Variants in PNPLA8 observed in about 807,000 individuals in gnomAD.
PNPLA8 encodes calcium-independent phospholipase A2-gamma.
In PNPLA8, 39 loss-of-function variants were observed where a neutral mutation model predicts 76.9. The ratio of observed to expected loss-of-function variants is 0.51; its 90% CI spans 0.39 to 0.66. PNPLA8 has a LOEUF of 0.66. Among genes scored for constraint, PNPLA8 ranks in the 30% least tolerant of loss-of-function variants. The pLI is 0.00. For missense variants in PNPLA8, 887 were observed against 918.0 expected (o/e 0.97, Z 0.44); for synonymous variants, 301 against 307.9 (o/e 0.98, Z 0.24).
chr7:108,472,411 G>C lies in PNPLA8; in HGVS notation c.2339C>G (p.Ser780Ter). 6.4e-7 allele frequency: 1 copy of C among 1,565,716 alleles called. No homozygotes were observed. Among genetic ancestry groups the C allele is most frequent in the Non-Finnish European group, 8.7e-7 (1 of 1,153,494 alleles). ...ATAAGCATATACTCATCACAATTTT[G>C]AAAAGAATGGAAGTCCTTCATACAT... Reference protein sequence around the residue: ...TDMYEGLPFFSKL With the variant: ...TDMYEGLPFF Residue 780 changes from serine to a stop codon, truncating the protein, a stop_gained, in exon 11 of 11, where the codon TCA becomes TGA. Transcript: ENST00000257694. LOFTEE classifies it high-confidence loss of function.
chr7:108,499,026 T>C (rs971684829), intron 5 of PNPLA8, among the ~76,000 whole-genome samples: 1 of 152,158 alleles, frequency 6.6e-6, no homozygotes, highest in African/African-American at 2.4e-5. Context: ...CAACAAATAA[T>C]GTGCATTTGA....
At chr7:108,481,048 A>T (rs1378072246) in intron 9 of PNPLA8, among the ~76,000 whole-genome samples, 1 of 152,186 alleles carries the variant, frequency 6.6e-6, no homozygotes, top group Non-Finnish European at 1.5e-5. Context: ...TGCATGTATC[A>T]ATAGTTTACT....
At chr7:108,475,907 C>T (rs1020932583) in intron 10 of PNPLA8, among the ~76,000 whole-genome samples, 32 of 152,178 alleles carry the variant, frequency 2.1e-4, no homozygotes, top group African/African-American at 6.7e-4. Context: ...AATATCTGGT[C>T]CCTAATAGTT....
chr7:108,496,715 G>A lies in PNPLA8; in HGVS notation c.1494C>T (p.Pro498=), dbSNP rs1254890504. 1.2e-6 allele frequency: 2 copies of A among 1,610,468 alleles called. No homozygotes were observed. The highest frequency in any genetic ancestry group is 4.5e-5 in the East Asian group (2 of 44,590). The change falls in exon 7 of 11, where the codon CCC becomes CCT. Residue 498 remains proline, a synonymous_variant. Coordinates refer to ENST00000257694, the MANE Select transcript of PNPLA8 (RefSeq NM_001256007.3). The part of the protein sequence containing the change: ...LAFMLGLFHM[P]LDECEELYRK... ...GATAAAGTTCCTCACATTCATCCAA[G>A]GGCATATGAAACAACCCCAACATGA...
At chr7:108,519,111 A>G (rs40883) in intron 2 of PNPLA8, among the ~76,000 whole-genome samples, 65,030 of 150,730 alleles carry the variant, frequency 0.43, 14,749 homozygotes, top group African/African-American at 0.55. Context: ...AATTTAAAAG[A>G]GAATTCATCA....
intron 5 of PNPLA8, among the ~76,000 whole-genome samples, chr7:108,498,206 T>C (rs899093260): frequency 6.6e-6 from 1 of 151,684 alleles, no homozygotes; most frequent in Non-Finnish European, 1.5e-5. Context: ...ATACCTTGGT[T>C]TCCTCTCTTA....
At chr7:108,526,007 CT>C in intron 1 of PNPLA8, 21 bp downstream of exon 1, 1 of 973,346 alleles carries the variant, frequency 1.0e-6, no homozygotes, top group African/African-American at 1.8e-5. Flanking sequence ...CGTCCCGCCC[CT>C]GTCCCCTCGC....
chr7:108,500,173 C>T (rs1490872117), intron 5 of PNPLA8, among the ~76,000 whole-genome samples: 1 of 152,154 alleles, frequency 6.6e-6, no homozygotes, highest in East Asian at 1.9e-4. Context: ...TGTTAGCTGA[C>T]TCAATGAATG....
At chr7:108,500,166 T>C (rs1267010208) in intron 5 of PNPLA8, among the ~76,000 whole-genome samples, 1 of 152,214 alleles carries the variant, frequency 6.6e-6, no homozygotes, top group Non-Finnish European at 1.5e-5. Context: ...CAATATTTGT[T>C]AGCTGACTCA....
At chr7:108,496,518 T>C in intron 7 of PNPLA8, 66 bp downstream of exon 7, 3 of 947,804 alleles carry the variant, frequency 3.2e-6, no homozygotes, top group South Asian at 3.9e-5. Flanking sequence ...TTGACATTTT[T>C]CAAATTATAA....
In PNPLA8 at chr7:108,472,343, T is replaced by C; in HGVS notation, c.*58A>G. On this transcript the variant is annotated 3_prime_UTR_variant, in exon 11 of 11. Coordinates refer to ENST00000257694, the MANE Select transcript of PNPLA8 (RefSeq NM_001256007.3). ...CATGTCGAACCCCACAATTCCTTAT[T>C]GAATGTGGTTGATCTTCTAAACAGA... 5 of 1,190,504 alleles carry C rather than the reference T, an allele frequency of 4.2e-6. No individual in the cohort carries two copies. The highest frequency in any genetic ancestry group is 4.7e-6 in the Non-Finnish European group (4 of 845,330). 73.7% of individuals were successfully genotyped at this position (1,190,504 alleles called of 1,614,324 possible).
At position 108,514,932 on chromosome 7, in the gene PNPLA8, C is replaced by T. The variant is rs780391824; in HGVS notation, c.560G>A (p.Arg187His). Residue 187 changes from arginine to histidine, a missense_variant, in exon 3 of 11, where the codon CGC becomes CAC. Transcript: ENST00000257694. ...IIDKEEDIGK[R>H]SLFHYTSSIT... ...AGAACTTGTGTAATGAAAAAGACTG[C>T]GTTTACCTATATCTTCTTCTTTGTC... 4.0e-5 allele frequency: 64 copies of T among 1,608,912 alleles called. No homozygotes were observed. Among genetic ancestry groups the T allele is most frequent in the African/African-American group, 8.1e-5 (6 of 74,488 alleles).
chr7:108,490,640 C>T (rs895305296), intron 8 of PNPLA8, among the ~76,000 whole-genome samples: 4 of 151,918 alleles, frequency 2.6e-5, no homozygotes, highest in Non-Finnish European at 5.9e-5. Flanking sequence ...AAAAATTAGC[C>T]GGGCGTGGTG....
In PNPLA8 at chr7:108,515,401, A is replaced by G. The variant is rs1863262803; in HGVS notation, c.91T>C (p.Phe31Leu). The G allele has an allele frequency of 3.1e-6, 5 of 1,612,228 alleles. No homozygotes were observed. The highest frequency in any genetic ancestry group is 3.4e-6 in the Non-Finnish European group (4 of 1,179,168). The change falls in exon 3 of 11, where the codon TTC (phenylalanine) becomes CTC (leucine). Residue 31 changes from phenylalanine to leucine, a missense_variant. By Grantham distance (22) the Phe-to-Leu change is conservative. Transcript: ENST00000257694. ...CGKQRSKQLY[F>L]LFSPKHYWRI... ...CAGTAATGCTTAGGTGAGAACAAGAAATACAGTTGCTTGCTTCTCTGCTTC... is the reference window on the plus strand; with the variant it reads ...CAGTAATGCTTAGGTGAGAACAAGAGATACAGTTGCTTGCTTCTCTGCTTC...
chr7:108,500,788 A>C (rs1426728134), intron 5 of PNPLA8, among the ~76,000 whole-genome samples: 1 of 152,088 alleles, frequency 6.6e-6, no homozygotes, highest in Non-Finnish European at 1.5e-5. Flanking sequence ...GCATGCCTAT[A>C]ATCCCAGCTA....
At chr7:108,524,762 G>A (rs1271253029) in intron 1 of PNPLA8, among the ~76,000 whole-genome samples, 1 of 152,144 alleles carries the variant, frequency 6.6e-6, no homozygotes, top group Non-Finnish European at 1.5e-5. Context: ...AGTCGAGATC[G>A]CACCAAGGCA....
rs191752841 is a variant in PNPLA8, at chr7:108,492,449, G to A, written c.1626-982C>T. Among the ~76,000 whole-genome samples the A allele has an allele frequency of 5.3e-5, 8 of 152,050 alleles. 1 individual carries two copies. The East Asian group carries it at 1.4e-3, about 26-fold the overall frequency. The stretch of plus-strand genomic sequence containing the variant: ...TGTAAAATTACAAGAGAAATCCTAG[G>A]AGCATGCTGATTTCACACTTTTTGG... On this transcript the variant is annotated intron_variant, in intron 7 of 10. Transcript: ENST00000257694.
At chr7:108,505,033 A>AC (rs1368549238) in intron 4 of PNPLA8, among the ~76,000 whole-genome samples, 1 of 151,910 alleles carries the variant, frequency 6.6e-6, no homozygotes, top group Non-Finnish European at 1.5e-5. Flanking sequence ...CCAAGATTGC[A>AC]CATTGCACTC....
intron 10 of PNPLA8, among the ~76,000 whole-genome samples, chr7:108,476,586 C>CA (rs1369559242): frequency 6.6e-6 from 1 of 152,060 alleles, no homozygotes; most frequent in African/African-American, 2.4e-5. Flanking sequence ...GGAGGTTCCT[C>CA]AAAAAATTAA....
Sources: allele counts gnomAD v4.1 joint callset (sites outside exome capture counted in the v4.1 genomes callset), GRCh38; gene constraint gnomAD v4.1.1; transcripts MANE v1.5; gene names NCBI Gene and HGNC (gene_info 2026-07-23, HGNC 2026-07-21).